The following GPC5 variants were observed in gnomAD, a reference collection of about 807,000 sequenced individuals.
GPC5 encodes glypican-5.
GPC5 carries 47 observed loss-of-function variants against 53.9 expected under a neutral mutation model. The observed-to-expected ratio is 0.87, with a 90% CI of 0.69 to 1.11. The LOEUF (loss-of-function observed/expected upper bound fraction) is 1.11. Among genes scored for constraint, GPC5 ranks in the 50% most tolerant of loss-of-function variants. The pLI, the probability that GPC5 is intolerant of heterozygous loss-of-function variation, is 0.00. For synonymous variants in GPC5, 286 were observed against 263.3 expected (o/e 1.09, Z -0.84); for missense variants, 748 against 713.1 (o/e 1.05, Z -0.56).
At chr13:92,616,009 G>A (rs1171625778) in intron 7 of GPC5, among the ~76,000 whole-genome samples, 5 of 152,090 alleles carry the variant, frequency 3.3e-5, no homozygotes, top group African/African-American at 1.2e-4. Context: ...AGCCGAGATC[G>A]CGCCACTGCA....
intron 7 of GPC5, among the ~76,000 whole-genome samples, chr13:92,354,220 A>G (rs560065727): frequency 2.0e-5 from 3 of 152,352 alleles, no homozygotes; most frequent in South Asian, 4.1e-4. Context: ...AACAAGTTGT[A>G]CTGATATACT....
chr13:91,788,245 A>G (rs2037908659), intron 5 of GPC5, among the ~76,000 whole-genome samples: 1 of 152,196 alleles, frequency 6.6e-6, no homozygotes, highest in Admixed American at 6.5e-5. Context: ...GCTGTATCCT[A>G]ACATGGGCAC....
intron 7 of GPC5, among the ~76,000 whole-genome samples, chr13:92,582,559 G>C (rs1382500306): frequency 6.6e-6 from 1 of 152,008 alleles, no homozygotes; most frequent in African/African-American, 2.4e-5. Context: ...CTTTGATAGG[G>C]ATTACACAGA....
At chr13:92,816,805 CAT>C (rs1235415860) in intron 7 of GPC5, among the ~76,000 whole-genome samples, 2 of 151,936 alleles carry the variant, frequency 1.3e-5, no homozygotes, top group Non-Finnish European at 2.9e-5. Flanking sequence ...TCTAATTACA[CAT>C]AGTCTGCCCT....
chr13:91,639,703 T>C (rs1025115744), intron 2 of GPC5, among the ~76,000 whole-genome samples: 2 of 152,192 alleles, frequency 1.3e-5, no homozygotes, highest in African/African-American at 4.8e-5. Context: ...CCGAAAGGGA[T>C]GGTGGCCAGG....
At chr13:91,797,063 A>G (rs2038058269) in intron 5 of GPC5, among the ~76,000 whole-genome samples, 1 of 152,076 alleles carries the variant, frequency 6.6e-6, no homozygotes, top group Admixed American at 6.6e-5. Flanking sequence ...AAAATATTTT[A>G]TGCCACAGAG....
intron 7 of GPC5, among the ~76,000 whole-genome samples, chr13:92,812,870 C>T (rs1176386054): frequency 6.6e-6 from 1 of 151,872 alleles, no homozygotes; most frequent in Non-Finnish European, 1.5e-5. Flanking sequence ...TTGTTTTATA[C>T]ACTCAAATTT....
rs530798616 is a variant in GPC5 at position 92,010,073 on chromosome 13, A to G, written c.1401+102016A>G. Among the ~76,000 whole-genome samples, 30 of 152,354 alleles carry G rather than the reference A, an allele frequency of 2.0e-4. No homozygotes were observed. The South Asian group carries it at 4.6e-3, about 23-fold the overall frequency. ...TATATAAGGATAATATAAGCTTGGC[A>G]GACTTACTCATCTTCCTCAGGTATT... On this transcript the variant is annotated intron_variant, in intron 6 of 7. Coordinates refer to ENST00000377067, the MANE Select transcript of GPC5 (RefSeq NM_004466.6).
chr13:92,000,466 C>A (rs1255281938), intron 6 of GPC5, among the ~76,000 whole-genome samples: 5 of 151,890 alleles, frequency 3.3e-5, no homozygotes, highest in Admixed American at 6.6e-5. Context: ...ATAATAATGT[C>A]ATTACTCATT....
intron 7 of GPC5, among the ~76,000 whole-genome samples, chr13:92,785,229 T>C (rs115219494): frequency 0.023 from 3,557 of 152,200 alleles, 115 homozygotes; most frequent in African/African-American, 0.08. Context: ...TGAGCCAAGA[T>C]CAGGCCCCTT....
intron 2 of GPC5, among the ~76,000 whole-genome samples, chr13:91,468,559 A>G (rs1366695650): frequency 6.6e-6 from 1 of 152,136 alleles, no homozygotes; most frequent in African/African-American, 2.4e-5. Flanking sequence ...GCCTGAGGTT[A>G]CCGGAAGTGA....
intron 2 of GPC5, among the ~76,000 whole-genome samples, chr13:91,678,891 C>G (rs138919924): frequency 1.3e-5 from 2 of 152,042 alleles, no homozygotes; most frequent in African/African-American, 4.8e-5. Context: ...TCTTTTCTAG[C>G]ACTTGGATAT....
intron 7 of GPC5, among the ~76,000 whole-genome samples, chr13:92,351,767 G>A (rs2043479791): frequency 6.6e-6 from 1 of 152,064 alleles, no homozygotes; most frequent in Admixed American, 6.5e-5. Flanking sequence ...AATTGTATGA[G>A]AGAATATCAA....
chr13:92,527,259 GAAAGAAAGAAAGAA>G (rs1566277309), intron 7 of GPC5, among the ~76,000 whole-genome samples: 1 of 123,028 alleles, frequency 8.1e-6, no homozygotes, highest in African/African-American at 4.1e-5. Context: ...GAGAAAGAAA[GAAAGAAAGAAAGAA>G]AGAAAGAAAA....
chr13:91,568,758 CT>C (rs745597285), intron 2 of GPC5, among the ~76,000 whole-genome samples: 10,018 of 138,660 alleles, frequency 0.072, 343 homozygotes, highest in Middle Eastern at 0.1. Flanking sequence ...TTCTTTCTTT[CT>C]TTTTTTTTTT....
intron 2 of GPC5, among the ~76,000 whole-genome samples, chr13:91,474,909 C>A (rs1566431516): frequency 6.6e-6 from 1 of 152,014 alleles, no homozygotes; most frequent in Non-Finnish European, 1.5e-5. Context: ...AAGTATATAG[C>A]ATTTAAGTCC....
At position 91,405,581 on chromosome 13, in the gene GPC5, C is replaced by CACTTTT. The variant is rs371627829; in HGVS notation, c.163+6373_163+6378dup. On this transcript the variant is annotated intron_variant, in intron 1 of 7. Coordinates refer to ENST00000377067, the MANE Select transcript of GPC5 (RefSeq NM_004466.6). ...GGAATCCTTTTTGTTTCCTGTGTGG[C>CACTTTT]ACTTTTCACGGCGCCACGTTCCTTT... 1.7e-3 allele frequency among the ~76,000 whole-genome samples: 261 copies of CACTTTT among 152,302 alleles called. 1 individual carries two copies. Among genetic ancestry groups the CACTTTT allele is most frequent in the African/African-American group, 5.9e-3 (246 of 41,554 alleles).
At chr13:92,600,892 C>T (rs1207189128) in intron 7 of GPC5, among the ~76,000 whole-genome samples, 1 of 151,954 alleles carries the variant, frequency 6.6e-6, no homozygotes, top group Non-Finnish European at 1.5e-5. Flanking sequence ...ATGAAAATAG[C>T]CTCCCCTTGG....
chr13:92,489,600 C>G (rs1268510406), intron 7 of GPC5, among the ~76,000 whole-genome samples: 1 of 152,122 alleles, frequency 6.6e-6, no homozygotes, highest in Non-Finnish European at 1.5e-5. Flanking sequence ...ATACCTGAGG[C>G]AGGGCTGCTC....
Sources: allele counts gnomAD v4.1 joint callset (sites outside exome capture counted in the v4.1 genomes callset), GRCh38; gene constraint gnomAD v4.1.1; transcripts MANE v1.5; gene names NCBI Gene and HGNC (gene_info 2026-07-23, HGNC 2026-07-21).